FBXO34: variants seen among roughly 807,000 people sequenced by gnomAD.
FBXO34 encodes the protein F-box only protein 34.
In FBXO34, 12 loss-of-function variants were observed where a neutral mutation model predicts 24.5. The observed-to-expected ratio is 0.49, with a 90% CI of 0.31 to 0.79. The LOEUF is 0.79. FBXO34 is among the 30% of genes least tolerant of loss of function. FBXO34 has a pLI of 0.04. For missense variants in FBXO34, 823 were observed against 857.7 expected (o/e 0.96, Z 0.51); for synonymous variants, 320 against 311.9 (o/e 1.03, Z -0.27).
chr14:55,394,634 G>A, the FBXO34 span, among the ~76,000 whole-genome samples: 13 of 152,226 alleles, frequency 8.5e-5, no homozygotes, highest in South Asian at 1.9e-3. Flanking sequence ...GGACTACCAC[G>A]ACCAAAGAGC....
chr14:55,417,617 G>A, the FBXO34 span, among the ~76,000 whole-genome samples: 1 of 152,086 alleles, frequency 6.6e-6, no homozygotes, highest in Non-Finnish European at 1.5e-5. Flanking sequence ...GCACCACCAT[G>A]TCTGGCTAAT....
chr14:55,359,997 T>C (rs1187049617), intron 3 of FBXO34, among the ~76,000 whole-genome samples: 1 of 151,916 alleles, frequency 6.6e-6, no homozygotes, highest in Non-Finnish European at 1.5e-5. Context: ...AGAGGATCAC[T>C]TGGGCCCAGG....
At chr14:55,323,695 A>G (rs1883246896) in intron 1 of FBXO34, among the ~76,000 whole-genome samples, 1 of 152,124 alleles carries the variant, frequency 6.6e-6, no homozygotes, top group Admixed American at 6.5e-5. Flanking sequence ...ATTTTTGTTT[A>G]TGATGTAGGC....
chr14:55,414,243 T>G, the FBXO34 span: 1 of 657,990 alleles, frequency 1.5e-6, no homozygotes, highest in Non-Finnish European at 2.6e-6. Flanking sequence ...TTTCTTAGGT[T>G]ACTTACACAG....
chr14:55,369,771 A>G (rs748444940), downstream of FBXO34: 1 of 1,614,088 alleles, frequency 6.2e-7, no homozygotes, highest in Admixed American at 1.7e-5. Context: ...ATATCACAAA[A>G]CCGGGGACTA....
chr14:55,369,022 T>C (rs962400439), downstream of FBXO34: 1 of 151,600 alleles, frequency 6.6e-6, no homozygotes, highest in African/African-American at 2.4e-5. Context: ...AAAACAGGAA[T>C]GTCTGACAAA....
chr14:55,286,906 CTTTTTTT>C (rs34073592), intron 1 of FBXO34, among the ~76,000 whole-genome samples: 8 of 125,396 alleles, frequency 6.4e-5, no homozygotes, highest in African/African-American at 1.8e-4. Context: ...GTTTCATTTA[CTTTTTTT>C]TTTTTTTTTT....
the FBXO34 span, among the ~76,000 whole-genome samples, chr14:55,392,020 C>T: frequency 1.3e-5 from 2 of 152,112 alleles, no homozygotes; most frequent in Non-Finnish European, 2.9e-5. Context: ...TTTTTGGCAC[C>T]AGGGACCAGT....
At chr14:55,396,037 G>C in the FBXO34 span, 3 of 1,359,004 alleles carry the variant, frequency 2.2e-6, no homozygotes, top group Non-Finnish European at 2.0e-6. Flanking sequence ...ATTCTGTGAA[G>C]TTCAAAAATG....
At chr14:55,436,746 G>T in the FBXO34 span, 1 of 1,614,164 alleles carries the variant, frequency 6.2e-7, no homozygotes, top group South Asian at 1.1e-5. Flanking sequence ...CCAGCCCAAC[G>T]TCCTGTTCGC....
chr14:55,298,798 C>G, intron 1 of FBXO34: 1 of 1,608,390 alleles, frequency 6.2e-7, no homozygotes, highest in Non-Finnish European at 8.5e-7. Context: ...AACAAGCCCG[C>G]GGCCCTCCAG....
intron 1 of FBXO34, among the ~76,000 whole-genome samples, chr14:55,295,335 A>ATGT (rs1158029870): frequency 2.0e-5 from 3 of 147,184 alleles, no homozygotes; most frequent in African/African-American, 7.5e-5. Flanking sequence ...TAAGCATTTT[A>ATGT]TGTATATTAT....
the FBXO34 span, among the ~76,000 whole-genome samples, chr14:55,405,146 C>T: frequency 6.6e-6 from 1 of 152,154 alleles, no homozygotes; most frequent in African/African-American, 2.4e-5. Context: ...CTCTTGTCTA[C>T]CTGTAGAGCT....
intron 3 of FBXO34, among the ~76,000 whole-genome samples, chr14:55,361,045 A>G (rs116237491): frequency 3.8e-3 from 585 of 152,230 alleles, no homozygotes; most frequent in African/African-American, 0.013. Context: ...TCCATGAATC[A>G]CAAATGTTTT....
At chr14:55,371,631 T>C (rs529873477), downstream of FBXO34, among the ~76,000 whole-genome samples, 429 of 152,118 alleles carry the variant, frequency 2.8e-3, 2 homozygotes, top group Admixed American at 7.1e-3. Flanking sequence ...AGTGAAACCC[T>C]GTCTCTACTA....
chr14:55,318,952 T>C (rs1883034056), intron 1 of FBXO34, among the ~76,000 whole-genome samples: 1 of 152,152 alleles, frequency 6.6e-6, no homozygotes, highest in Admixed American at 6.5e-5. Context: ...GGTTAGACTC[T>C]CATTGTGCTT....
intron 1 of FBXO34, among the ~76,000 whole-genome samples, chr14:55,321,769 T>C (rs1007856623): frequency 2.0e-5 from 3 of 152,210 alleles, no homozygotes; most frequent in African/African-American, 7.2e-5. Flanking sequence ...ATCTGTCGAA[T>C]GGAGAAAGTG....
the FBXO34 span, among the ~76,000 whole-genome samples, chr14:55,435,156 A>T: frequency 2.6e-5 from 4 of 152,218 alleles, no homozygotes; most frequent in Non-Finnish European, 5.9e-5. Context: ...GCCTTCTCAG[A>T]TAAGAGGAAT....
chr14:55,405,489 GTCTC>G, the FBXO34 span, among the ~76,000 whole-genome samples: 2 of 152,142 alleles, frequency 1.3e-5, no homozygotes, highest in African/African-American at 4.8e-5. Flanking sequence ...CATACAATTT[GTCTC>G]TCTTTTTAAT....
Sources: allele counts gnomAD v4.1 joint callset (sites outside exome capture counted in the v4.1 genomes callset), GRCh38; gene constraint gnomAD v4.1.1; transcripts MANE v1.5; gene names NCBI Gene and HGNC (gene_info 2026-07-23, HGNC 2026-07-21).